CDH12: variants seen among roughly 807,000 people sequenced by gnomAD.
The protein encoded by CDH12 is cadherin-12.
A neutral mutation model predicts 74.1 loss-of-function variants in CDH12; 41 were observed. The observed-to-expected ratio is 0.55, with a 90% CI of 0.43 to 0.72. CDH12 has a LOEUF of 0.72. Ranked by LOEUF, CDH12 falls within the 30% of genes least tolerant of loss-of-function variation. The pLI is 0.00. For synonymous variants in CDH12, 399 were observed against 355.0 expected, an observed-to-expected ratio of 1.12 and a Z score of -1.39; for missense variants, 945 against 977.2, an observed-to-expected ratio of 0.97 and a Z score of 0.44.
At chr5:22,115,637 A>G (rs370313476) in intron 4 of CDH12, among the ~76,000 whole-genome samples, 5 of 150,842 alleles carry the variant, frequency 3.3e-5, no homozygotes. Context: ...CTTTGTAGCA[A>G]TATTTTAGCT....
At chr5:21,909,514 A>C (rs1753776177) in intron 6 of CDH12, among the ~76,000 whole-genome samples, 3 of 152,192 alleles carry the variant, frequency 2.0e-5, no homozygotes, top group Admixed American at 2.0e-4. Context: ...GGATTAAAAA[A>C]ATGAATAGGC....
chr5:22,463,152 A>G lies in CDH12; in HGVS notation c.-428+42118T>C, dbSNP rs115781635. Reference sequence around the variant, plus strand: ...TAAAATAATGAGTAATTCTTTTTACACAAATCTAATTAGCAAAATATATTA... The same window carrying G: ...TAAAATAATGAGTAATTCTTTTTACGCAAATCTAATTAGCAAAATATATTA... On this transcript the variant is annotated intron_variant, in intron 2 of 14. Transcript: ENST00000382254. Among the ~76,000 whole-genome samples, 1,088 of 152,342 alleles carry G rather than the reference A, an allele frequency of 7.1e-3. 11 individuals are homozygous for G. Among genetic ancestry groups the G allele is most frequent in the African/African-American group, 0.025 (1,051 of 41,588 alleles).
intron 6 of CDH12, among the ~76,000 whole-genome samples, chr5:21,859,921 G>T (rs1050898309): frequency 6.6e-6 from 1 of 151,882 alleles, no homozygotes; most frequent in Non-Finnish European, 1.5e-5. Flanking sequence ...CATGGCCTGT[G>T]ATTAACATCA....
chr5:22,154,773 G>A lies in CDH12; in HGVS notation c.-187+57725C>T, dbSNP rs1171627204. On this transcript the variant is annotated intron_variant, in intron 4 of 14. Transcript: ENST00000382254. Reference sequence around the variant, plus strand: ...ACTGTATTTTTCTGTCTATTGCATTGTCACAAATTTAGCCACTTAACACAG... The same window carrying A: ...ACTGTATTTTTCTGTCTATTGCATTATCACAAATTTAGCCACTTAACACAG... Among the ~76,000 whole-genome samples the A allele has an allele frequency of 2.0e-5, 3 of 151,892 alleles. No individual in the cohort carries two copies. The East Asian group carries it at 5.8e-4, about 29-fold the overall frequency.
chr5:22,434,325 T>C (rs760371490), intron 2 of CDH12, among the ~76,000 whole-genome samples: 2 of 152,130 alleles, frequency 1.3e-5, no homozygotes, highest in Middle Eastern at 3.2e-3. Flanking sequence ...GGGGCTTCAA[T>C]CCACATATTT....
chr5:22,839,775 T>C (rs1321997342), intron 1 of CDH12, among the ~76,000 whole-genome samples: 2 of 152,216 alleles, frequency 1.3e-5, no homozygotes, highest in African/African-American at 4.8e-5. Flanking sequence ...CTTGTATAAA[T>C]GCACAACCAC....
intron 1 of CDH12, among the ~76,000 whole-genome samples, chr5:22,631,797 T>C (rs1738598696): frequency 6.6e-6 from 1 of 152,122 alleles, no homozygotes; most frequent in Non-Finnish European, 1.5e-5. Flanking sequence ...GCCAGCACTT[T>C]ACATGACTGG....
At chr5:22,753,767 T>G (rs1456772050) in intron 1 of CDH12, among the ~76,000 whole-genome samples, 1 of 151,836 alleles carries the variant, frequency 6.6e-6, no homozygotes, top group Non-Finnish European at 1.5e-5. Context: ...AGATACACAC[T>G]TCAGATTAAT....
At position 21,802,236 on chromosome 5, in the gene CDH12, T is replaced by C. The variant is rs754250577; in HGVS notation, c.1187A>G (p.Asp396Gly). Residue 396 changes from aspartate (D) to glycine (G), a missense_variant, in exon 10 of 15, where the codon GAC becomes GGC. Transcript: ENST00000382254. ...GCCAATGATGGTCCCTACCGGAGTG[T>C]CTTCATAAACCTCCATGGTGTAGAG... ...KPLYTMEVYE[D>G]TPVGTIIGAV... 1 of 1,613,934 alleles carries C rather than the reference T, an allele frequency of 6.2e-7. No individual in the cohort carries two copies. Among genetic ancestry groups the C allele is most frequent in the Non-Finnish European group, 8.5e-7 (1 of 1,179,946 alleles).
At chr5:21,921,766 G>C (rs1754363841) in intron 6 of CDH12, among the ~76,000 whole-genome samples, 1 of 152,134 alleles carries the variant, frequency 6.6e-6, no homozygotes, top group Non-Finnish European at 1.5e-5. Flanking sequence ...CTACTGACTT[G>C]AAAATGAACA....
intron 5 of CDH12, among the ~76,000 whole-genome samples, chr5:22,031,890 C>T (rs1214421264): frequency 1.3e-5 from 2 of 152,000 alleles, no homozygotes. Flanking sequence ...TAATGAAGAA[C>T]TTTGGAATTT....
intron 4 of CDH12, among the ~76,000 whole-genome samples, chr5:22,130,113 C>T (rs1746102173): frequency 6.7e-6 from 1 of 148,318 alleles, no homozygotes; most frequent in Non-Finnish European, 1.5e-5. Context: ...CTAGACCTCA[C>T]AAAAATACTC....
chr5:22,112,530 T>C (rs1744873898), intron 4 of CDH12, among the ~76,000 whole-genome samples: 1 of 152,138 alleles, frequency 6.6e-6, no homozygotes, highest in Non-Finnish European at 1.5e-5. Context: ...TTATTTGAAC[T>C]TCCTCTTCCT....
At chr5:22,333,145 A>G (rs1282392213) in intron 3 of CDH12, among the ~76,000 whole-genome samples, 1 of 152,188 alleles carries the variant, frequency 6.6e-6, no homozygotes, top group African/African-American at 2.4e-5. Flanking sequence ...CATGAAAAGG[A>G]ATGTGATAAT....
intron 13 of CDH12, among the ~76,000 whole-genome samples, 155 bp from the exon 14 acceptor site, chr5:21,755,997 TATA>T (rs1744375203): frequency 6.6e-6 from 1 of 152,134 alleles, no homozygotes; most frequent in East Asian, 1.9e-4. Flanking sequence ...ACTGCCAAAA[TATA>T]ATCAAAATAA....
intron 1 of CDH12, among the ~76,000 whole-genome samples, chr5:22,698,489 T>C (rs1742502248): frequency 6.6e-6 from 1 of 151,298 alleles, no homozygotes; most frequent in South Asian, 2.1e-4. Flanking sequence ...ACTTAGTCAT[T>C]GAAGCTCGTT....
At chr5:21,787,772 A>G (rs997234634) in intron 10 of CDH12, among the ~76,000 whole-genome samples, 2 of 152,210 alleles carry the variant, frequency 1.3e-5, no homozygotes, top group African/African-American at 2.4e-5. Context: ...CTTAGCTCAC[A>G]TGAATGCTCT....
At chr5:21,810,940 C>T (rs886333574) in intron 9 of CDH12, among the ~76,000 whole-genome samples, 1 of 151,644 alleles carries the variant, frequency 6.6e-6, no homozygotes, top group Admixed American at 6.6e-5. Context: ...ATTTGTCAAG[C>T]GTGAAAAAAG....
intron 4 of CDH12, among the ~76,000 whole-genome samples, chr5:22,092,057 C>T (rs1743466211): frequency 6.6e-6 from 1 of 151,376 alleles, no homozygotes; most frequent in Non-Finnish European, 1.5e-5. Context: ...TCTATTTTCT[C>T]AGTAAATGAT....
Sources: gnomAD v4.1 joint callset for allele counts (sites outside exome capture counted in the v4.1 genomes callset) on GRCh38, gnomAD v4.1.1 for gene constraint, MANE v1.5 for transcripts, NCBI Gene and HGNC (gene_info 2026-07-23, HGNC 2026-07-21) for gene names.